Variants in MEMO1 observed in about 807,000 individuals in gnomAD.
The protein encoded by MEMO1 is protein MEMO1.
In MEMO1, 6 loss-of-function variants were observed where a neutral mutation model predicts 45.2. The observed-to-expected ratio is 0.13, with a 90% CI of 0.07 to 0.26. The LOEUF (loss-of-function observed/expected upper bound fraction) is 0.26. Among genes scored for constraint, MEMO1 ranks in the 10% least tolerant of loss-of-function variants. The probability of loss-of-function intolerance (pLI) is 1.00; values close to 1 mark genes in which losing one functional copy is unlikely to be tolerated. For synonymous variants in MEMO1, 78 were observed against 124.3 expected, an observed-to-expected ratio of 0.63 and a Z score of 2.48; for missense variants, 184 against 370.5, an observed-to-expected ratio of 0.50 and a Z score of 4.13.
intron 7 of MEMO1, among the ~76,000 whole-genome samples, chr2:31,890,977 C>G (rs973460174): frequency 3.4e-4 from 51 of 152,110 alleles, no homozygotes; most frequent in Non-Finnish European, 1.3e-4. Flanking sequence ...ACTGAGATCT[C>G]AACTTTGAAA....
chr2:31,895,324 C>A (rs764773103), intron 6 of MEMO1, among the ~76,000 whole-genome samples: 1 of 152,040 alleles, frequency 6.6e-6, no homozygotes, highest in Non-Finnish European at 1.5e-5. Flanking sequence ...ATTTAGCAGA[C>A]AAAAACTTCA....
chr2:31,973,505 T>C (rs1330895383), intron 2 of MEMO1, among the ~76,000 whole-genome samples: 1 of 151,868 alleles, frequency 6.6e-6, no homozygotes, highest in Non-Finnish European at 1.5e-5. Flanking sequence ...CAGAGATACT[T>C]GTACACAAAT....
chr2:31,955,400 C>G (rs1667299854), intron 2 of MEMO1, among the ~76,000 whole-genome samples: 1 of 152,128 alleles, frequency 6.6e-6, no homozygotes, highest in Non-Finnish European at 1.5e-5. Flanking sequence ...TACTTTGAAG[C>G]CTTAAGTAAC....
At chr2:31,954,070 A>G (rs1667140909) in intron 2 of MEMO1, among the ~76,000 whole-genome samples, 1 of 152,194 alleles carries the variant, frequency 6.6e-6, no homozygotes, top group Non-Finnish European at 1.5e-5. Flanking sequence ...TAGCCACATG[A>G]TTGTTGAGTC....
intron 6 of MEMO1, among the ~76,000 whole-genome samples, chr2:31,892,768 C>T (rs1448143971): frequency 6.6e-6 from 1 of 152,138 alleles, no homozygotes; most frequent in Non-Finnish European, 1.5e-5. Flanking sequence ...TAATTTCTAG[C>T]AGCAGAAAAA....
intron 2 of MEMO1, among the ~76,000 whole-genome samples, chr2:31,959,230 T>A (rs1356736275): frequency 6.6e-6 from 1 of 152,108 alleles, no homozygotes; most frequent in Non-Finnish European, 1.5e-5. Context: ...TTCAGAATCA[T>A]TTAATTAAGG....
intron 2 of MEMO1, among the ~76,000 whole-genome samples, chr2:31,998,623 A>G (rs1040654180): frequency 6.6e-6 from 1 of 152,012 alleles, no homozygotes; most frequent in Non-Finnish European, 1.5e-5. Context: ...ACATAGAGAA[A>G]CCCCATCTCT....
intron 2 of MEMO1, among the ~76,000 whole-genome samples, chr2:31,987,871 T>C (rs1177929216): frequency 5.9e-5 from 9 of 152,116 alleles, no homozygotes; most frequent in African/African-American, 1.9e-4. Flanking sequence ...TTCAGTAGGT[T>C]TCCAATCATC....
At chr2:31,958,342 C>T (rs1417048090) in intron 2 of MEMO1, among the ~76,000 whole-genome samples, 1 of 151,352 alleles carries the variant, frequency 6.6e-6, no homozygotes, top group African/African-American at 2.4e-5. Flanking sequence ...AACTGCCTGA[C>T]GCTGAAGCAG....
chr2:32,004,178 C>A (rs933610953), intron 2 of MEMO1, among the ~76,000 whole-genome samples: 2 of 151,990 alleles, frequency 1.3e-5, no homozygotes, highest in African/African-American at 4.8e-5. Context: ...AAGACCCTGT[C>A]TCAAATAAAT....
intron 2 of MEMO1, among the ~76,000 whole-genome samples, chr2:31,993,101 A>G (rs1672145975): frequency 6.6e-6 from 1 of 152,162 alleles, no homozygotes; most frequent in African/African-American, 2.4e-5. Context: ...GGAGCCAAGG[A>G]ATTTGAGACT....
intron 2 of MEMO1, among the ~76,000 whole-genome samples, chr2:31,945,630 C>T (rs1175871896): frequency 6.6e-6 from 1 of 152,196 alleles, no homozygotes; most frequent in Non-Finnish European, 1.5e-5. Flanking sequence ...CAGCCCAAAA[C>T]TGCCTTTCTC....
intron 6 of MEMO1, among the ~76,000 whole-genome samples, chr2:31,896,959 T>C (rs946936732): frequency 1.3e-5 from 2 of 152,182 alleles, no homozygotes; most frequent in African/African-American, 2.4e-5. Flanking sequence ...TAAGTTGGAT[T>C]CCTAAGTATT....
At chr2:31,951,657 C>G (rs1224191377) in intron 2 of MEMO1, among the ~76,000 whole-genome samples, 2 of 152,042 alleles carry the variant, frequency 1.3e-5, no homozygotes, top group Non-Finnish European at 2.9e-5. Context: ...CTCAGCCTCC[C>G]GAGTAGCTGG....
In MEMO1 at chr2:31,932,049, C is replaced by T; in HGVS notation, c.212+18G>A. On this transcript the variant is annotated intron_variant, in intron 4 of 9. Coordinates refer to ENST00000404530, the MANE Select transcript of MEMO1 (RefSeq NM_001301833.4). ...ATTCTCAAGCTTCTCCGACTTAAAA[C>T]AAAACTACATTACTTACGTAATAGA... The T allele has an allele frequency of 6.2e-7, 1 of 1,605,588 alleles. No homozygotes were observed. Among genetic ancestry groups the T allele is most frequent in the Non-Finnish European group, 8.5e-7 (1 of 1,176,170 alleles).
At chr2:31,972,347 A>G (rs1202800167) in intron 2 of MEMO1, among the ~76,000 whole-genome samples, 1 of 152,250 alleles carries the variant, frequency 6.6e-6, no homozygotes, top group Non-Finnish European at 1.5e-5. Flanking sequence ...AACAACAACA[A>G]AAAATTAAAA....
intron 8 of MEMO1, among the ~76,000 whole-genome samples, chr2:31,872,998 G>A (rs969410942): frequency 6.6e-6 from 1 of 152,156 alleles, no homozygotes; most frequent in Admixed American, 6.5e-5. Flanking sequence ...TAACAGCTAT[G>A]AGATTACTAT....
intron 2 of MEMO1, among the ~76,000 whole-genome samples, chr2:31,958,218 T>C (rs527694117): frequency 6.6e-6 from 1 of 152,168 alleles, no homozygotes; most frequent in Non-Finnish European, 1.5e-5. Context: ...AAAGTTGAGT[T>C]GTATGTGTGT....
intron 4 of MEMO1, among the ~76,000 whole-genome samples, chr2:31,923,898 T>C (rs549887961): frequency 6.6e-6 from 1 of 152,260 alleles, no homozygotes; most frequent in African/African-American, 2.4e-5. Context: ...AATTAACTCT[T>C]CTGATACCTG....
Sources: allele counts gnomAD v4.1 joint callset (sites outside exome capture counted in the v4.1 genomes callset), GRCh38; gene constraint gnomAD v4.1.1; transcripts MANE v1.5; gene names NCBI Gene and HGNC (gene_info 2026-07-23, HGNC 2026-07-21).